The following SUCLG2 variants were observed in gnomAD, a reference collection of about 807,000 sequenced individuals.
The protein encoded by SUCLG2 is succinate-CoA ligase GDP-forming subunit beta, also known as succinate--CoA ligase [GDP-forming] subunit beta, mitochondrial.
Under a neutral mutation model 47.9 loss-of-function variants are expected in SUCLG2, and 42 were observed. The ratio of observed to expected loss-of-function variants is 0.88; its 90% CI spans 0.69 to 1.14. The LOEUF (loss-of-function observed/expected upper bound fraction) is 1.14. SUCLG2 is among the 50% of genes most tolerant of loss of function. The pLI, the probability that SUCLG2 is intolerant of heterozygous loss-of-function variation, is 0.00. For synonymous variants in SUCLG2, 195 were observed against 197.3 expected (o/e 0.99, Z 0.10); for missense variants, 571 against 525.9 (o/e 1.09, Z -0.84).
intron 2 of SUCLG2, among the ~76,000 whole-genome samples, chr3:67,547,586 A>G (rs1179605045): frequency 1.3e-5 from 2 of 152,134 alleles, no homozygotes; most frequent in Admixed American, 6.5e-5. Flanking sequence ...ATGCATAAAC[A>G]TGATTTGACT....
At chr3:67,644,276 A>G (rs893244490) in intron 1 of SUCLG2, among the ~76,000 whole-genome samples, 1 of 152,244 alleles carries the variant, frequency 6.6e-6, no homozygotes, top group African/African-American at 2.4e-5. Context: ...ATATATACAC[A>G]TATCATGGAA....
chr3:67,374,208 C>A (rs566528689), downstream of SUCLG2, among the ~76,000 whole-genome samples: 3 of 152,242 alleles, frequency 2.0e-5, no homozygotes, highest in South Asian at 6.2e-4. Context: ...ATTGCATGGG[C>A]ATTAAGAAAG....
intron 1 of SUCLG2, among the ~76,000 whole-genome samples, chr3:67,624,433 T>A (rs140419090): frequency 1.3e-5 from 2 of 152,236 alleles, no homozygotes; most frequent in Admixed American, 1.3e-4. Context: ...TATGGAAAAC[T>A]TGATCTTAGA....
chr3:67,613,533 G>C (rs982253816), intron 1 of SUCLG2, among the ~76,000 whole-genome samples: 1 of 152,140 alleles, frequency 6.6e-6, no homozygotes, highest in Non-Finnish European at 1.5e-5. Context: ...TCTAGATATG[G>C]GGAATGGCAA....
intron 1 of SUCLG2, among the ~76,000 whole-genome samples, chr3:67,642,918 C>CTGTGTGTG (rs3221813): frequency 3.0e-4 from 44 of 146,618 alleles, no homozygotes; most frequent in East Asian, 6.1e-4. Context: ...GAAAAGGACT[C>CTGTGTGTG]TGTGTGTGTG....
At chr3:67,634,581 A>G (rs1286346077) in intron 1 of SUCLG2, among the ~76,000 whole-genome samples, 1 of 152,196 alleles carries the variant, frequency 6.6e-6, no homozygotes, top group Non-Finnish European at 1.5e-5. Context: ...GCAGTATTCT[A>G]GCTACAAGAG....
intron 2 of SUCLG2, among the ~76,000 whole-genome samples, chr3:67,566,106 G>C (rs1047910844): frequency 4.6e-5 from 7 of 152,160 alleles, no homozygotes; most frequent in African/African-American, 2.4e-5. Context: ...TGCATTCAAC[G>C]ACAAGCACTT....
chr3:67,556,210 T>C (rs1707155289), intron 2 of SUCLG2, among the ~76,000 whole-genome samples: 1 of 151,998 alleles, frequency 6.6e-6, no homozygotes, highest in Admixed American at 6.6e-5. Flanking sequence ...AAATCCTGGG[T>C]CAGAAAAGAA....
At chr3:67,399,192 GA>G (rs1237007120) in intron 10 of SUCLG2, among the ~76,000 whole-genome samples, 10 of 150,940 alleles carry the variant, frequency 6.6e-5, no homozygotes, top group Admixed American at 2.0e-4. Flanking sequence ...TAAAAAAAAA[GA>G]AAAAAAATTA....
chr3:67,438,340 C>T (rs1703674012), intron 9 of SUCLG2, among the ~76,000 whole-genome samples: 1 of 151,882 alleles, frequency 6.6e-6, no homozygotes, highest in African/African-American at 2.4e-5. Flanking sequence ...CAAGAGCAAA[C>T]AAATTCAAAA....
chr3:67,594,001 C>T (rs1237891065), intron 2 of SUCLG2, among the ~76,000 whole-genome samples: 1 of 152,156 alleles, frequency 6.6e-6, no homozygotes, highest in Non-Finnish European at 1.5e-5. Flanking sequence ...GGCTTGCTCT[C>T]TTGCATTCCA....
At chr3:67,387,037 G>C (rs976040910) in intron 10 of SUCLG2, among the ~76,000 whole-genome samples, 3 of 151,868 alleles carry the variant, frequency 2.0e-5, no homozygotes, top group African/African-American at 4.8e-5. Flanking sequence ...CCTTCCCTGA[G>C]ACTGTCTGCC....
At chr3:67,417,347 G>C (rs1023235113) in intron 9 of SUCLG2, among the ~76,000 whole-genome samples, 1 of 152,158 alleles carries the variant, frequency 6.6e-6, no homozygotes, top group Non-Finnish European at 1.5e-5. Context: ...CAAGGCCAAG[G>C]GTTTTGAAAT....
chr3:67,366,887 C>T (rs1219200088), intron 10 of SUCLG2, among the ~76,000 whole-genome samples: 1 of 152,136 alleles, frequency 6.6e-6, no homozygotes. Context: ...GCAAGCTTCA[C>T]CCCCATGAAA....
chr3:67,508,973 A>G lies in SUCLG2; in HGVS notation c.661-70T>C, dbSNP rs139956901. 216 of 1,166,878 alleles carry G rather than the reference A, an allele frequency of 1.9e-4. 1 individual carries two copies. The African/African-American group carries it at 3.2e-3, about 17-fold the overall frequency. The allele number at this position is 1,166,878 out of a possible 1,614,324, so 72.3% of individuals were successfully genotyped here. A position where few individuals can be genotyped will look rare whatever the true frequency, so the allele number is the denominator to read the frequency against. On this transcript the variant is annotated intron_variant, in intron 6 of 10. Transcript: ENST00000307227. ...GAAAATTTATTTTGCTGGATTAATG[A>G]AACCTTAAAAATAGCAAGTTATGTC...
chr3:67,566,332 A>C (rs1316068444), intron 2 of SUCLG2, among the ~76,000 whole-genome samples: 1 of 152,232 alleles, frequency 6.6e-6, no homozygotes, highest in Non-Finnish European at 1.5e-5. Flanking sequence ...CTTTAGTATA[A>C]TCATTAGAAT....
intron 10 of SUCLG2, among the ~76,000 whole-genome samples, chr3:67,394,665 C>A (rs1022375540): frequency 8.6e-5 from 13 of 151,548 alleles, no homozygotes; most frequent in South Asian, 2.1e-4. Flanking sequence ...TCAGGAAATA[C>A]AGAGAATGCC....
At chr3:67,489,227 T>C (rs190828530) in intron 9 of SUCLG2, among the ~76,000 whole-genome samples, 6 of 152,098 alleles carry the variant, frequency 3.9e-5, no homozygotes. Flanking sequence ...GGGCCAGATA[T>C]TCTTGGAAAT....
At chr3:67,429,156 C>T (rs2106879505) in intron 9 of SUCLG2, among the ~76,000 whole-genome samples, 1 of 152,238 alleles carries the variant, frequency 6.6e-6, no homozygotes, top group East Asian at 1.9e-4. Flanking sequence ...TTATCAGATT[C>T]ACCAAAGTTG....
Sources: gnomAD v4.1 joint callset for allele counts (sites outside exome capture counted in the v4.1 genomes callset) on GRCh38, gnomAD v4.1.1 for gene constraint, MANE v1.5 for transcripts, NCBI Gene and HGNC (gene_info 2026-07-23, HGNC 2026-07-21) for gene names.